RARB: variants seen among roughly 807,000 people sequenced by gnomAD.
RARB encodes the protein retinoic acid receptor beta.
RARB carries 17 observed loss-of-function variants against 51.9 expected under a neutral mutation model. The ratio of observed to expected loss-of-function variants is 0.33; its 90% CI spans 0.22 to 0.49. RARB has a LOEUF of 0.49. RARB is among the 20% of genes least tolerant of loss of function. The pLI is 0.99. For missense variants in RARB, 369 were observed against 550.8 expected (o/e 0.67, Z 3.30); for synonymous variants, 215 against 195.4 (o/e 1.10, Z -0.84).
intron 2 of RARB, among the ~76,000 whole-genome samples, chr3:24,874,501 C>T (rs746622798): frequency 9.9e-5 from 15 of 151,964 alleles, no homozygotes; most frequent in Non-Finnish European, 1.9e-4. Context: ...GATAAGTTTA[C>T]GTACAGCTTG....
intron 2 of RARB, among the ~76,000 whole-genome samples, chr3:24,984,097 A>T (rs142412696): frequency 9.6e-4 from 146 of 152,346 alleles, no homozygotes; most frequent in African/African-American, 3.4e-3. Flanking sequence ...ATTTAGCTAT[A>T]TAACCCACAG....
intron 5 of RARB, among the ~76,000 whole-genome samples, chr3:25,229,051 C>G (rs138749072): frequency 6.6e-6 from 1 of 152,078 alleles, no homozygotes; most frequent in Non-Finnish European, 1.5e-5. Flanking sequence ...TCTAAGGGAT[C>G]GACTATTGTC....
At chr3:25,021,511 A>G (rs901068181) in intron 2 of RARB, among the ~76,000 whole-genome samples, 2 of 152,156 alleles carry the variant, frequency 1.3e-5, no homozygotes, top group African/African-American at 4.8e-5. Context: ...AGTGATAAGT[A>G]AAGAGAAGCA....
intron 3 of RARB, among the ~76,000 whole-genome samples, chr3:25,067,177 G>T (rs149911587): frequency 9.9e-5 from 15 of 152,272 alleles, no homozygotes; most frequent in East Asian, 9.6e-4. Context: ...GCCTGGAGAG[G>T]TGATTTGAGC....
intron 1 of RARB, among the ~76,000 whole-genome samples, chr3:25,431,152 C>G (rs1158603521): frequency 6.6e-6 from 1 of 151,986 alleles, no homozygotes; most frequent in Non-Finnish European, 1.5e-5. Context: ...TACTTAATGG[C>G]TATTTTGACG....
At chr3:25,090,347 T>G (rs1699175188) in intron 3 of RARB, among the ~76,000 whole-genome samples, 1 of 152,178 alleles carries the variant, frequency 6.6e-6, no homozygotes, top group African/African-American at 2.4e-5. Flanking sequence ...TTCTTTTTTC[T>G]AACAGCTTTG....
At chr3:25,534,537 G>A (rs565853639) in intron 3 of RARB, among the ~76,000 whole-genome samples, 5 of 152,016 alleles carry the variant, frequency 3.3e-5, no homozygotes, top group African/African-American at 1.2e-4. Flanking sequence ...TCCTTCTTCC[G>A]TCAAGTATCT....
At chr3:25,155,380 G>C (rs1395149696) in intron 4 of RARB, among the ~76,000 whole-genome samples, 1 of 152,152 alleles carries the variant, frequency 6.6e-6, no homozygotes, top group Non-Finnish European at 1.5e-5. Flanking sequence ...GGCAGGGATT[G>C]TTCCTCCCTT....
chr3:24,902,977 T>C (rs906211895), intron 2 of RARB, among the ~76,000 whole-genome samples: 5 of 152,116 alleles, frequency 3.3e-5, no homozygotes, highest in East Asian at 1.9e-4. Context: ...TTTCAAAATA[T>C]ATTGAGAGAA....
At chr3:25,328,649 G>C (rs1173377516) in intron 5 of RARB, among the ~76,000 whole-genome samples, 1 of 152,210 alleles carries the variant, frequency 6.6e-6, no homozygotes, top group Non-Finnish European at 1.5e-5. Context: ...TTCCAACTGA[G>C]GCACCAGGTT....
chr3:25,243,968 A>G (rs1161972521), intron 5 of RARB, among the ~76,000 whole-genome samples: 1 of 152,122 alleles, frequency 6.6e-6, no homozygotes, highest in Non-Finnish European at 1.5e-5. Context: ...TAGGCTATTA[A>G]TTACTGCCTC....
intron 2 of RARB, among the ~76,000 whole-genome samples, chr3:25,465,173 G>A (rs1695371418): frequency 6.6e-6 from 1 of 152,132 alleles, no homozygotes; most frequent in South Asian, 2.1e-4. Flanking sequence ...CTAGTAGTCT[G>A]TAAAAAGTAA....
At chr3:25,567,324 C>G (rs957576832) in intron 3 of RARB, among the ~76,000 whole-genome samples, 1 of 152,166 alleles carries the variant, frequency 6.6e-6, no homozygotes, top group African/African-American at 2.4e-5. Flanking sequence ...AACTTGCCCC[C>G]GTACCTGACA....
chr3:25,576,965 C>T (rs774874854), intron 4 of RARB, among the ~76,000 whole-genome samples: 4 of 152,148 alleles, frequency 2.6e-5, no homozygotes, highest in South Asian at 2.1e-4. Flanking sequence ...AGATGTTGGC[C>T]GGCACATAAC....
At chr3:25,368,625 G>T (rs1367158383) in intron 5 of RARB, among the ~76,000 whole-genome samples, 1 of 152,184 alleles carries the variant, frequency 6.6e-6, no homozygotes, top group Non-Finnish European at 1.5e-5. Flanking sequence ...AGGCACTCCT[G>T]GTTCTGCTTT....
chr3:25,095,480 C>A (rs983095304), intron 3 of RARB, among the ~76,000 whole-genome samples: 1 of 152,132 alleles, frequency 6.6e-6, no homozygotes, highest in Non-Finnish European at 1.5e-5. Context: ...CAAGTGATTC[C>A]GATGCAAGCC....
chr3:25,317,167 G>C (rs952706744), intron 5 of RARB, among the ~76,000 whole-genome samples: 2 of 142,370 alleles, frequency 1.4e-5, no homozygotes, highest in African/African-American at 5.1e-5. Context: ...TAGGTGCCTT[G>C]TCTTATTCTT....
chr3:25,349,988 G>C (rs923825728), intron 5 of RARB, among the ~76,000 whole-genome samples: 4 of 152,108 alleles, frequency 2.6e-5, no homozygotes, highest in African/African-American at 9.7e-5. Context: ...TTTCCTCTCT[G>C]TGGTCTCACC....
At chr3:25,357,940 A>G (rs962512796) in intron 5 of RARB, among the ~76,000 whole-genome samples, 11 of 152,136 alleles carry the variant, frequency 7.2e-5, no homozygotes, top group Admixed American at 3.9e-4. Flanking sequence ...GTCAGGTAGC[A>G]TGATTCATCC....
Sources: allele counts gnomAD v4.1 joint callset (sites outside exome capture counted in the v4.1 genomes callset), GRCh38; gene constraint gnomAD v4.1.1; transcripts MANE v1.5; gene names NCBI Gene and HGNC (gene_info 2026-07-23, HGNC 2026-07-21).